The following NGEF variants were observed in gnomAD, a reference collection of about 807,000 sequenced individuals.
NGEF encodes neuronal guanine nucleotide exchange factor.
NGEF carries 31 observed loss-of-function variants against 80.9 expected under a neutral mutation model. The observed-to-expected ratio is 0.38, with a 90% CI of 0.29 to 0.52. The LOEUF (loss-of-function observed/expected upper bound fraction) is 0.52, where lower values mean the gene tolerates loss of function less well. Among genes scored for constraint, NGEF ranks in the 20% least tolerant of loss-of-function variants. The pLI is 0.84. For synonymous variants in NGEF, 371 were observed against 370.2 expected (o/e 1.00, Z -0.03); for missense variants, 709 against 926.2 (o/e 0.77, Z 3.04).
In NGEF at chr2:232,992,505, C is replaced by G. The variant is rs142457973; in HGVS notation, c.-74-17541G>C. On this transcript the variant is annotated intron_variant, in intron 1 of 14. Transcript: ENST00000264051. Reference sequence around the variant, plus strand: ...CCTGGGAGACAGAGGTTACAGTGACCTGAGATTGTGCCACTGCACTCCAGC... The same window carrying G: ...CCTGGGAGACAGAGGTTACAGTGACGTGAGATTGTGCCACTGCACTCCAGC... 3.6e-3 allele frequency among the ~76,000 whole-genome samples: 547 copies of G among 152,038 alleles called. 5 individuals are homozygous for G. The highest frequency in any genetic ancestry group is 0.013 in the African/African-American group (519 of 41,468).
At chr2:232,956,394 T>C (rs906242807) in intron 3 of NGEF, among the ~76,000 whole-genome samples, 1 of 139,524 alleles carries the variant, frequency 7.2e-6, no homozygotes, top group African/African-American at 2.8e-5. Context: ...GGCTGCAATA[T>C]AAGATTGTGA....
chr2:232,883,288 G>T, intron 12 of NGEF, 23 bp downstream of exon 12: 1 of 1,570,550 alleles, frequency 6.4e-7, no homozygotes, highest in Non-Finnish European at 8.7e-7. Flanking sequence ...GTAGCACTGG[G>T]CGTGTGGCGG....
intron 3 of NGEF, among the ~76,000 whole-genome samples, chr2:232,960,908 A>C (rs1454672148): frequency 1.3e-5 from 2 of 152,202 alleles, no homozygotes; most frequent in East Asian, 3.9e-4. Flanking sequence ...TAATGGCCAG[A>C]GAATTTAATG....
intron 1 of NGEF, among the ~76,000 whole-genome samples, chr2:232,976,000 A>G (rs372387116): frequency 6.6e-6 from 1 of 152,288 alleles, no homozygotes. Flanking sequence ...CAGGAGTTCA[A>G]GATCAGCCTG....
intron 13 of NGEF, 57 bp from the exon 14 acceptor site, chr2:232,881,307 C>G: frequency 7.3e-7 from 1 of 1,362,824 alleles, no homozygotes; most frequent in Non-Finnish European, 1.0e-6. Flanking sequence ...CCTGCACACT[C>G]CCACCAAGCC....
chr2:232,928,229 G>T (rs1574617648), intron 3 of NGEF: 1 of 957,670 alleles, frequency 1.0e-6, no homozygotes, highest in Non-Finnish European at 1.2e-6. Context: ...GCGCGCGGCG[G>T]GGGCGAGGCC....
intron 9 of NGEF, among the ~76,000 whole-genome samples, 153 bp downstream of exon 9, chr2:232,887,880 C>A (rs114378741): frequency 5.7e-4 from 86 of 152,130 alleles, no homozygotes; most frequent in African/African-American, 2.0e-3. Flanking sequence ...TTTTTTAAGC[C>A]CCAGTGACTC....
intron 3 of NGEF, among the ~76,000 whole-genome samples, chr2:232,965,404 C>G (rs1694036469): frequency 1.3e-5 from 2 of 152,170 alleles, no homozygotes; most frequent in South Asian, 4.1e-4. Context: ...CACTTTGCAT[C>G]AGGGACCCAG....
chr2:232,893,894 G>A (rs960192486), intron 6 of NGEF, among the ~76,000 whole-genome samples: 1 of 152,212 alleles, frequency 6.6e-6, no homozygotes, highest in Non-Finnish European at 1.5e-5. Flanking sequence ...GGGGTGAGGG[G>A]GCTGCAAACA....
intron 6 of NGEF, among the ~76,000 whole-genome samples, chr2:232,894,090 G>A (rs1452426487): frequency 6.6e-6 from 1 of 152,208 alleles, no homozygotes; most frequent in African/African-American, 2.4e-5. Context: ...GTGGCTTCTG[G>A]CTGCAAAACT....
At chr2:232,891,099 C>A in intron 8 of NGEF, 1 of 569,048 alleles carries the variant, frequency 1.8e-6, no homozygotes, top group South Asian at 1.6e-5. Context: ...AGCCAGCCAC[C>A]CCTGTCGTGT....
chr2:232,888,378 A>G (rs889831213), intron 8 of NGEF, among the ~76,000 whole-genome samples: 1 of 151,966 alleles, frequency 6.6e-6, no homozygotes, highest in African/African-American at 2.4e-5. Flanking sequence ...CACACCGTGT[A>G]GAAACATGCA....
chr2:233,013,204 G>T lies in NGEF; in HGVS notation c.-211C>A, dbSNP rs773334370. ...CAGGCGCTCCACTCTGTCCCAGAGA[G>T]CCCACAGCCAAAAACTTCGTCCTGT... On this transcript the variant is annotated 5_prime_UTR_variant, in exon 1 of 15. Transcript: ENST00000264051. The T allele has an allele frequency of 5.9e-5, 28 of 471,044 alleles. No individual in the cohort carries two copies. Among genetic ancestry groups the T allele is most frequent in the South Asian group, 4.0e-4 (26 of 64,572 alleles). The allele number at this position is 471,044 out of a possible 1,614,324, so 29.2% of individuals were successfully genotyped here.
intron 3 of NGEF, among the ~76,000 whole-genome samples, chr2:232,933,136 A>C (rs1248345084): frequency 6.6e-6 from 1 of 151,282 alleles, no homozygotes; most frequent in Non-Finnish European, 1.5e-5. Flanking sequence ...ATAAATAAAT[A>C]AATAAATAAA....
intron 5 of NGEF, among the ~76,000 whole-genome samples, chr2:232,909,148 A>G (rs760375288): frequency 4.6e-5 from 7 of 152,066 alleles, no homozygotes; most frequent in Non-Finnish European, 7.4e-5. Context: ...TCTTGCCTTT[A>G]TTGCCACCAA....
intron 5 of NGEF, among the ~76,000 whole-genome samples, chr2:232,907,842 C>T (rs1692604184): frequency 6.6e-6 from 1 of 152,158 alleles, no homozygotes; most frequent in Non-Finnish European, 1.5e-5. Flanking sequence ...GGCACGGTGG[C>T]TCACACCTGT....
At chr2:232,978,953 T>C (rs1314318191) in intron 1 of NGEF, among the ~76,000 whole-genome samples, 1 of 152,220 alleles carries the variant, frequency 6.6e-6, no homozygotes, top group Non-Finnish European at 1.5e-5. Flanking sequence ...TTCTGTAGCC[T>C]ATTGTGCTGT....
At chr2:233,004,530 G>T (rs1695048230) in intron 1 of NGEF, among the ~76,000 whole-genome samples, 1 of 152,228 alleles carries the variant, frequency 6.6e-6, no homozygotes, top group Non-Finnish European at 1.5e-5. Context: ...CTAGTGTGGA[G>T]TGCTTGTCAA....
At chr2:232,989,370 C>T (rs1694605258) in intron 1 of NGEF, among the ~76,000 whole-genome samples, 1 of 152,198 alleles carries the variant, frequency 6.6e-6, no homozygotes, top group African/African-American at 2.4e-5. Context: ...ATTGCTTGAA[C>T]CCGGGAGGCA....
Sources: allele counts gnomAD v4.1 joint callset (sites outside exome capture counted in the v4.1 genomes callset), GRCh38; gene constraint gnomAD v4.1.1; transcripts MANE v1.5; gene names NCBI Gene and HGNC (gene_info 2026-07-23, HGNC 2026-07-21).